The following DISC1 variants were observed in gnomAD, a reference collection of about 807,000 sequenced individuals.
The protein encoded by DISC1 is DISC1 scaffold protein, also known as disrupted in schizophrenia 1 protein.
Under a neutral mutation model 84.5 loss-of-function variants are expected in DISC1, and 57 were observed. That is an observed-to-expected ratio of 0.67 (90% CI 0.55 to 0.84). The LOEUF (loss-of-function observed/expected upper bound fraction) is 0.84, where lower values mean the gene tolerates loss of function less well. DISC1 is among the 40% of genes least tolerant of loss of function. The probability of loss-of-function intolerance (pLI) is 0.00; values close to 1 mark genes in which losing one functional copy is unlikely to be tolerated. For synonymous variants in DISC1, 411 were observed against 415.2 expected, an observed-to-expected ratio of 0.99 and a Z score of 0.12; for missense variants, 1,000 against 1,057.8, an observed-to-expected ratio of 0.95 and a Z score of 0.76.
intron 6 of DISC1, among the ~76,000 whole-genome samples, chr1:231,790,217 C>T (rs547367314): frequency 7.9e-5 from 12 of 152,290 alleles, no homozygotes; most frequent in South Asian, 6.2e-4. Context: ...TTACCTGGAT[C>T]GTGAAGCACC....
rs984010529 is a variant in DISC1, at chr1:232,038,372, T to A, written c.*1541T>A. 1 of 152,098 alleles carries A rather than the reference T, an allele frequency of 6.6e-6. No individual in the cohort carries two copies. The highest frequency in any genetic ancestry group is 2.4e-5 in the African/African-American group (1 of 41,418). The allele number at this position is 152,098 out of a possible 1,614,324, so 9.4% of individuals were successfully genotyped here. A position where few individuals can be genotyped will look rare whatever the true frequency, so the allele number is the denominator to read the frequency against. Reference sequence around the variant, plus strand: ...TTCAATTAGGCAGCACTTCCCAAAGTGCACTGAGGAAGGTGGCCCCAAGAG... The same window carrying A: ...TTCAATTAGGCAGCACTTCCCAAAGAGCACTGAGGAAGGTGGCCCCAAGAG... On this transcript the variant is annotated 3_prime_UTR_variant, in exon 13 of 13. Coordinates refer to ENST00000439617, the MANE Select transcript of DISC1 (RefSeq NM_018662.3).
At chr1:231,937,307 G>A (rs960884160) in intron 9 of DISC1, among the ~76,000 whole-genome samples, 9 of 152,144 alleles carry the variant, frequency 5.9e-5, no homozygotes, top group African/African-American at 2.4e-5. Flanking sequence ...TAGCCATTCC[G>A]GTGTCAAGCC....
chr1:231,750,401 G>T, intron 4 of DISC1: 2 of 1,119,272 alleles, frequency 1.8e-6, no homozygotes, highest in Non-Finnish European at 2.2e-6. Flanking sequence ...GAGGCAGCTT[G>T]GTGTCCTGTG....
At chr1:231,850,365 A>C (rs918546861) in intron 9 of DISC1, among the ~76,000 whole-genome samples, 4 of 152,254 alleles carry the variant, frequency 2.6e-5, no homozygotes, top group African/African-American at 9.6e-5. Flanking sequence ...ACCATCAAGT[A>C]AATCTGTTGC....
chr1:231,628,116 T>C (rs2058416464), intron 1 of DISC1, among the ~76,000 whole-genome samples: 2 of 152,136 alleles, frequency 1.3e-5, no homozygotes, highest in Non-Finnish European at 2.9e-5. Context: ...AGAATACCAG[T>C]TTGATTTGAT....
At chr1:231,864,002 G>T (rs1338421480) in intron 9 of DISC1, among the ~76,000 whole-genome samples, 2 of 152,212 alleles carry the variant, frequency 1.3e-5, no homozygotes, top group East Asian at 3.9e-4. Flanking sequence ...ACACAAAAGG[G>T]CTGTACTGGC....
intron 1 of DISC1, among the ~76,000 whole-genome samples, chr1:231,652,734 A>G (rs1033938359): frequency 1.3e-5 from 2 of 152,182 alleles, no homozygotes; most frequent in African/African-American, 4.8e-5. Context: ...GTAGTATAGC[A>G]CAGATATGTT....
intron 1 of DISC1, among the ~76,000 whole-genome samples, chr1:231,631,343 A>G (rs1427324637): frequency 6.6e-6 from 1 of 152,234 alleles, no homozygotes; most frequent in Non-Finnish European, 1.5e-5. Flanking sequence ...CCTAATGCCT[A>G]GTATTTACTA....
chr1:231,739,410 C>G (rs1242229894), intron 3 of DISC1, among the ~76,000 whole-genome samples: 2 of 152,164 alleles, frequency 1.3e-5, no homozygotes, highest in Admixed American at 6.5e-5. Flanking sequence ...TGCTGTGTTC[C>G]CCTCAATGTG....
Position 231,675,743 on chromosome 1 carries a change from C to CT in DISC1, c.68-18081dup, listed in dbSNP as rs2063081421. On this transcript the variant is annotated intron_variant, in intron 1 of 12. Transcript: ENST00000439617. The surrounding 1 kb of genome is among the most constrained non-coding windows in gnomAD (Gnocchi z 4.1). Reference sequence around the variant, plus strand: ...GTCTTCTCTTGTCTTCGAGGTCCTTCTTACTCCCTTGTCCAATGTGTGACA... The same window carrying CT: ...GTCTTCTCTTGTCTTCGAGGTCCTTCTTTACTCCCTTGTCCAATGTGTGACA... 6.6e-6 allele frequency among the ~76,000 whole-genome samples: 1 copy of CT among 152,138 alleles called. No homozygotes were observed. The highest frequency in any genetic ancestry group is 2.1e-4 in the South Asian group (1 of 4,834).
At chr1:231,999,813 A>AAAC (rs71162205) in intron 10 of DISC1, among the ~76,000 whole-genome samples, 14,575 of 150,458 alleles carry the variant, frequency 0.097, 772 homozygotes, top group African/African-American at 0.15. Context: ...TCAAGCAGAA[A>AAAC]AACAACAACA....
At chr1:231,707,321 C>T (rs888324319) in intron 3 of DISC1, among the ~76,000 whole-genome samples, 11 of 152,294 alleles carry the variant, frequency 7.2e-5, no homozygotes, top group East Asian at 1.9e-4. Context: ...GTGCAATTTC[C>T]ACCTGCAGCT....
At chr1:231,847,936 A>G (rs200201058) in intron 9 of DISC1, among the ~76,000 whole-genome samples, 101 of 152,324 alleles carry the variant, frequency 6.6e-4, no homozygotes, top group South Asian at 2.3e-3. Context: ...GTGAATGAAT[A>G]AAACCAGAAG....
chr1:231,808,733 T>G (rs1048985539), intron 8 of DISC1, among the ~76,000 whole-genome samples: 13 of 152,358 alleles, frequency 8.5e-5, no homozygotes, highest in African/African-American at 3.1e-4. Flanking sequence ...GCTCTTGCCT[T>G]TCCTGTGTTC....
intron 9 of DISC1, among the ~76,000 whole-genome samples, chr1:231,822,879 C>CT (rs773668290): frequency 1.3e-5 from 2 of 152,142 alleles, no homozygotes; most frequent in Non-Finnish European, 2.9e-5. Context: ...ACATGACACA[C>CT]TCTTTTTAAC....
chr1:231,940,718 C>G (rs1412237554), intron 9 of DISC1, among the ~76,000 whole-genome samples: 1 of 152,188 alleles, frequency 6.6e-6, no homozygotes, highest in Non-Finnish European at 1.5e-5. Context: ...GTTAGAGATG[C>G]TGCGTGTTAT....
chr1:231,757,923 A>C (rs796557041), intron 4 of DISC1, among the ~76,000 whole-genome samples: 36 of 150,114 alleles, frequency 2.4e-4, no homozygotes, highest in African/African-American at 8.8e-4. Context: ...CCGTGCTCAC[A>C]GTCGGCTTTC....
intron 1 of DISC1, among the ~76,000 whole-genome samples, chr1:231,634,933 GA>G (rs1175182418): frequency 5.4e-5 from 8 of 148,700 alleles, no homozygotes; most frequent in Admixed American, 3.4e-4. Context: ...AAAAAAAAAT[GA>G]AAAAACTCCC....
At chr1:231,774,776 A>C (rs2076833974) in intron 6 of DISC1, 2 of 455,898 alleles carry the variant, frequency 4.4e-6, no homozygotes, top group African/African-American at 2.0e-5. Context: ...GCAGAAGTGA[A>C]GCATTTGAAA....
Sources: allele counts gnomAD v4.1 joint callset (sites outside exome capture counted in the v4.1 genomes callset), GRCh38; gene constraint gnomAD v4.1.1; non-coding constraint Gnocchi (gnomAD v3.1); transcripts MANE v1.5; gene names NCBI Gene and HGNC (gene_info 2026-07-23, HGNC 2026-07-21).